The following MED26 variants were observed in gnomAD, a reference collection of about 807,000 sequenced individuals.
The protein encoded by MED26 is mediator of RNA polymerase II transcription subunit 26.
Under a neutral mutation model 43.7 loss-of-function variants are expected in MED26, and 7 were observed. The ratio of observed to expected loss-of-function variants is 0.16; its 90% CI spans 0.09 to 0.30. The LOEUF is 0.30. Among genes scored for constraint, MED26 ranks in the 10% least tolerant of loss-of-function variants. The pLI, the probability that MED26 is intolerant of heterozygous loss-of-function variation, is 1.00. For synonymous variants in MED26, 375 were observed against 371.1 expected (o/e 1.01, Z -0.12); for missense variants, 784 against 840.6 (o/e 0.93, Z 0.83).
intron 1 of MED26, among the ~76,000 whole-genome samples, chr19:16,607,878 G>A (rs999534997): frequency 1.3e-5 from 2 of 152,242 alleles, no homozygotes; most frequent in African/African-American, 2.4e-5. Flanking sequence ...CTCCCCTTCA[G>A]GGCAGCTGGC....
chr19:16,599,959 C>T (rs996620402), intron 1 of MED26, among the ~76,000 whole-genome samples: 38 of 152,180 alleles, frequency 2.5e-4, no homozygotes. Flanking sequence ...ACAGAAGCCT[C>T]AAAAGTTAGA....
At chr19:16,603,153 T>C (rs1568285881) in intron 1 of MED26, among the ~76,000 whole-genome samples, 1 of 152,170 alleles carries the variant, frequency 6.6e-6, no homozygotes, top group Non-Finnish European at 1.5e-5. Context: ...CACAGGCCAC[T>C]GAGGCAAACG....
intron 1 of MED26, among the ~76,000 whole-genome samples, chr19:16,603,317 C>G (rs980203578): frequency 2.0e-5 from 3 of 152,128 alleles, no homozygotes; most frequent in African/African-American, 4.8e-5. Context: ...TGGGAGGGAT[C>G]AGATGGCCAT....
In MED26 at chr19:16,627,861, C is replaced by T. The variant is rs749376507; in HGVS notation, c.72+11G>A. 8.8e-6 allele frequency: 13 copies of T among 1,482,112 alleles called. No individual in the cohort carries two copies. The highest frequency in any genetic ancestry group is 1.5e-5 in the African/African-American group (1 of 68,900). 91.8% of individuals were successfully genotyped at this position (1,482,112 alleles called of 1,614,324 possible). On this transcript the variant is annotated intron_variant, in intron 1 of 2. Coordinates refer to ENST00000263390, the MANE Select transcript of MED26 (RefSeq NM_004831.5). Reference sequence around the variant, plus strand: ...GCGGCCTCCGTCCCAGCTCGCGCGGCGGGTACTTACGTTGCTCTGGGGGTC... The same window carrying T: ...GCGGCCTCCGTCCCAGCTCGCGCGGTGGGTACTTACGTTGCTCTGGGGGTC...
rs774063089 is a variant in MED26, at chr19:16,576,497, C to T, written c.1333G>A (p.Ala445Thr). The T allele has an allele frequency of 1.2e-6, 2 of 1,614,208 alleles. No homozygotes were observed. Among genetic ancestry groups the T allele is most frequent in the Admixed American group, 1.7e-5 (1 of 60,032 alleles). ...TGCTCCATGTGCACAGGGCTGTCTG[C>T]CCGCACTGGCTCTTTCTGGGTCAGA... ...KPLTQKEPVR[A>T]DSPVHMEQQS... is the part of the protein sequence containing the mutation. Residue 445 changes from alanine (A) to threonine (T), a missense_variant, in exon 3 of 3, where the codon GCA (alanine) becomes ACA (threonine). Around this residue, in one of 3 missense-constraint regions of MED26, gnomAD observed 719 missense variants for 730.9 expected, o/e 0.98. Transcript: ENST00000263390. The surrounding 1 kb of genome is among the most constrained non-coding windows in gnomAD (Gnocchi z 6.8).
intron 2 of MED26, chr19:16,578,065 T>C (rs2086022042): frequency 3.0e-5 from 16 of 526,052 alleles, no homozygotes; most frequent in Non-Finnish European, 5.0e-5. Flanking sequence ...ATGGTGCCTC[T>C]CACTGGAGCC....
At chr19:16,605,715 G>A (rs2086169530) in intron 1 of MED26, among the ~76,000 whole-genome samples, 1 of 152,210 alleles carries the variant, frequency 6.6e-6, no homozygotes, top group Non-Finnish European at 1.5e-5. Context: ...CTTGGTGAAG[G>A]CATAGGGGAA....
At chr19:16,606,644 T>C (rs751506134) in intron 1 of MED26, among the ~76,000 whole-genome samples, 20 of 152,332 alleles carry the variant, frequency 1.3e-4, no homozygotes, top group Non-Finnish European at 2.4e-4. Flanking sequence ...GATAAGCAAA[T>C]GTGGCATTAG....
At position 16,619,474 on chromosome 19, in the gene MED26, TCAAAA is replaced by T. The variant is rs540781259; in HGVS notation, c.72+8393_72+8397del. Among the ~76,000 whole-genome samples the T allele has an allele frequency of 1.9e-3, 287 of 152,224 alleles. 1 individual carries two copies. The highest frequency in any genetic ancestry group is 6.6e-3 in the African/African-American group (274 of 41,520). On this transcript the variant is annotated intron_variant, in intron 1 of 2. Transcript: ENST00000263390. ...AACCTGATGACTAGAACGGGGGACA[TCAAAA>T]CAAGTCATCAAGGGGATAAGAACTT...
chr19:16,589,002 C>T (rs754292), intron 1 of MED26: 67,395 of 152,198 alleles, frequency 0.44, 17,423 homozygotes, highest in South Asian at 0.61. Flanking sequence ...TAGACAGAGA[C>T]AGCCAAGGTC....
intron 1 of MED26, among the ~76,000 whole-genome samples, chr19:16,615,127 G>A (rs1229746186): frequency 6.6e-6 from 1 of 152,202 alleles, no homozygotes. Context: ...GTTACAGGAA[G>A]CACTGCGGGA....
chr19:16,601,955 G>A (rs191114586), intron 1 of MED26, among the ~76,000 whole-genome samples: 97 of 152,344 alleles, frequency 6.4e-4, no homozygotes, highest in African/African-American at 2.2e-3. Context: ...AGGAAGGGAC[G>A]TGGCTGTGGG....
At chr19:16,599,617 C>G (rs967796089) in intron 1 of MED26, among the ~76,000 whole-genome samples, 1 of 152,140 alleles carries the variant, frequency 6.6e-6, no homozygotes, top group Non-Finnish European at 1.5e-5. Flanking sequence ...TGATGCATTC[C>G]GGCCCTCTGA....
chr19:16,621,536 G>A (rs2086251574), intron 1 of MED26, among the ~76,000 whole-genome samples: 1 of 152,134 alleles, frequency 6.6e-6, no homozygotes, highest in Admixed American at 6.5e-5. Flanking sequence ...AACATCCAAA[G>A]GCCTTTAACC....
chr19:16,607,721 CATT>C (rs1418543294), intron 1 of MED26, among the ~76,000 whole-genome samples: 2 of 151,854 alleles, frequency 1.3e-5, no homozygotes, highest in East Asian at 1.9e-4. Context: ...TTTCTTAAAA[CATT>C]ATGAGATTTT....
At chr19:16,621,463 A>G (rs2086251280) in intron 1 of MED26, among the ~76,000 whole-genome samples, 1 of 152,180 alleles carries the variant, frequency 6.6e-6, no homozygotes. Flanking sequence ...GAGCCCCCTG[A>G]CGTTTTCCAA....
At chr19:16,615,250 G>C (rs1296853382) in intron 1 of MED26, among the ~76,000 whole-genome samples, 2 of 152,102 alleles carry the variant, frequency 1.3e-5, no homozygotes, top group African/African-American at 4.8e-5. Context: ...CAGGTGGGGT[G>C]CACAAAAAGG....
chr19:16,593,298 A>C (rs2086106397), intron 1 of MED26, among the ~76,000 whole-genome samples: 1 of 152,182 alleles, frequency 6.6e-6, no homozygotes, highest in African/African-American at 2.4e-5. Flanking sequence ...CCAGCAAGGG[A>C]GAGGCAGGGA....
At position 16,627,877 on chromosome 19, in the gene MED26, T is replaced by C; in HGVS notation, c.67A>G (p.Ser23Gly). 6.7e-7 allele frequency: 1 copy of C among 1,494,602 alleles called. No homozygotes were observed. The highest frequency in any genetic ancestry group is 8.9e-7 in the Non-Finnish European group (1 of 1,118,334). The allele number at this position is 1,494,602 out of a possible 1,614,324, so 92.6% of individuals were successfully genotyped here. The change falls in exon 1 of 3, where the codon AGC (serine) becomes GGC (glycine). Residue 23 changes from serine (S) to glycine (G), a missense_variant. By Grantham distance (56) the Ser-to-Gly change is moderately conservative. This residue lies in a region of MED26 where 37 missense variants were observed against 30.3 expected (regional missense o/e 1.22). Transcript: ENST00000263390. ...CTCGCGCGGCGGGTACTTACGTTGCTCTGGGGGTCGATGGCCTGCAGCAGC... is the reference window on the plus strand; with the variant it reads ...CTCGCGCGGCGGGTACTTACGTTGCCCTGGGGGTCGATGGCCTGCAGCAGC... Reference protein sequence around the residue: ...DRLLQAIDPQSNIRNMVAVLE... With the variant: ...DRLLQAIDPQGNIRNMVAVLE...
Sources: gnomAD v4.1 joint callset for allele counts (sites outside exome capture counted in the v4.1 genomes callset) on GRCh38, gnomAD v4.1.1 for gene constraint, gnomAD v4.1.1 regional missense constraint, Gnocchi (gnomAD v3.1) non-coding constraint, MANE v1.5 for transcripts, NCBI Gene and HGNC (gene_info 2026-07-23, HGNC 2026-07-21) for gene names.